The following NIPSNAP3B variants were observed in gnomAD, a reference collection of about 807,000 sequenced individuals.
The protein encoded by NIPSNAP3B is nipsnap homolog 3B.
NIPSNAP3B carries 30 observed loss-of-function variants against 31.5 expected under a neutral mutation model. The observed-to-expected ratio is 0.95, with a 90% CI of 0.71 to 1.29. The LOEUF (loss-of-function observed/expected upper bound fraction) is 1.29, where lower values mean the gene tolerates loss of function less well. Ranked by LOEUF, NIPSNAP3B falls within the 50% of genes most tolerant of loss-of-function variation. The pLI, the probability that NIPSNAP3B is intolerant of heterozygous loss-of-function variation, is 0.00. For missense variants in NIPSNAP3B, 269 were observed against 300.7 expected (o/e 0.89, Z 0.78); for synonymous variants, 106 against 107.9 (o/e 0.98, Z 0.11).
chr9:104,789,180 C>A, the NIPSNAP3B span, among the ~76,000 whole-genome samples: 1 of 152,200 alleles, frequency 6.6e-6, no homozygotes, highest in Non-Finnish European at 1.5e-5. Flanking sequence ...CTAATTAGCA[C>A]CCCCAGGGTC....
Position 104,774,549 on chromosome 9 carries a change from G to A in NIPSNAP3B, c.*1476G>A, listed in dbSNP as rs1246940561. ...GCTTCAGACTGTTATAGTACCTTAG[G>A]GTTATGAACATCAATTACCTTTGAG... On this transcript the variant is annotated 3_prime_UTR_variant, in exon 6 of 6. Transcript: ENST00000374762. Among the ~76,000 whole-genome samples, 3 of 152,114 alleles carry A rather than the reference G, an allele frequency of 2.0e-5. No homozygotes were observed. Among genetic ancestry groups the A allele is most frequent in the African/African-American group, 7.2e-5 (3 of 41,418 alleles).
the NIPSNAP3B span, among the ~76,000 whole-genome samples, chr9:104,784,655 C>A: frequency 6.6e-6 from 1 of 151,940 alleles, no homozygotes; most frequent in Non-Finnish European, 1.5e-5. Context: ...GACTTTTTTT[C>A]CCCCCTTGAA....
the NIPSNAP3B span, chr9:104,786,888 A>C: frequency 6.2e-7 from 1 of 1,613,962 alleles, no homozygotes; most frequent in Non-Finnish European, 8.5e-7. Flanking sequence ...AGATGTAAGC[A>C]CTACTGATCT....
the NIPSNAP3B span, among the ~76,000 whole-genome samples, chr9:104,790,488 T>C: frequency 2.0e-5 from 3 of 152,158 alleles, no homozygotes; most frequent in African/African-American, 4.8e-5. Context: ...ATACACTCAT[T>C]AACAATAAAA....
At chr9:104,787,998 A>C in the NIPSNAP3B span, 1 of 1,614,224 alleles carries the variant, frequency 6.2e-7, no homozygotes, top group Non-Finnish European at 8.5e-7. Flanking sequence ...TATAGTTACC[A>C]GCATATTTTT....
the NIPSNAP3B span, chr9:104,783,898 T>C: frequency 5.7e-5 from 10 of 175,936 alleles, no homozygotes; most frequent in African/African-American, 2.4e-4. Context: ...GCTTAGTGAA[T>C]GAGGATGTGC....
rs1307592878 is a variant in NIPSNAP3B at position 104,775,119 on chromosome 9, C to G, written c.*2046C>G. The stretch of plus-strand genomic sequence containing the variant: ...GATGTGGCTTAGGCAGTTTTCCTGT[C>G]TCCTGAAGCCACAGTATTCCCCTTC... On this transcript the variant is annotated 3_prime_UTR_variant, in exon 6 of 6. Coordinates refer to ENST00000374762, the MANE Select transcript of NIPSNAP3B (RefSeq NM_018376.4). 2.0e-5 allele frequency among the ~76,000 whole-genome samples: 3 copies of G among 151,790 alleles called. No individual in the cohort carries two copies. Among genetic ancestry groups the G allele is most frequent in the Non-Finnish European group, 4.4e-5 (3 of 67,994 alleles).
At chr9:104,768,122 T>C (rs1433105681) in intron 2 of NIPSNAP3B, among the ~76,000 whole-genome samples, 1 of 152,128 alleles carries the variant, frequency 6.6e-6, no homozygotes, top group Non-Finnish European at 1.5e-5. Flanking sequence ...AATCTGCAGT[T>C]GGTTGAATCC....
At chr9:104,784,193 A>G in the NIPSNAP3B span, 1 of 1,258,972 alleles carries the variant, frequency 7.9e-7, no homozygotes, top group African/African-American at 1.5e-5. Flanking sequence ...TAGTATCAGT[A>G]CAGTATCCAG....
At chr9:104,777,814 A>C (rs530304336), downstream of NIPSNAP3B, among the ~76,000 whole-genome samples, 3 of 152,014 alleles carry the variant, frequency 2.0e-5, no homozygotes, top group African/African-American at 7.3e-5. Flanking sequence ...ATAGATTTGC[A>C]TATATTTGCA....
At chr9:104,778,435 T>C (rs988698353), downstream of NIPSNAP3B, among the ~76,000 whole-genome samples, 13 of 152,104 alleles carry the variant, frequency 8.5e-5, no homozygotes, top group Admixed American at 7.9e-4. Flanking sequence ...TTCACCATGT[T>C]AGGCTGGTCG....
chr9:104,784,298 C>T, the NIPSNAP3B span: 55 of 1,613,838 alleles, frequency 3.4e-5, no homozygotes, highest in Admixed American at 1.2e-4. Flanking sequence ...TCAGCCACCC[C>T]GTATGAACAG....
At position 104,768,896 on chromosome 9, in the gene NIPSNAP3B, C is replaced by A. The variant is rs781242867; in HGVS notation, c.305C>A (p.Ala102Asp). ...NFAHRAEVRK[A>D]LANCKEWQEQ... ...GCTCATCGAGCTGAAGTTCGGAAAG[C>A]CTTAGCCAACTGTAAGGAATGGCAA... Residue 102 changes from alanine to aspartate, a missense_variant, in exon 3 of 6, where the codon GCC (alanine) becomes GAC (aspartate). Ala to Asp is a moderately radical substitution (Grantham distance 126). Coordinates refer to ENST00000374762, the MANE Select transcript of NIPSNAP3B (RefSeq NM_018376.4). 3 of 1,612,362 alleles carry A rather than the reference C, an allele frequency of 1.9e-6. No individual in the cohort carries two copies. The highest frequency in any genetic ancestry group is 2.7e-5 in the African/African-American group (2 of 74,824).
At chr9:104,789,471 T>C in the NIPSNAP3B span, among the ~76,000 whole-genome samples, 1 of 152,220 alleles carries the variant, frequency 6.6e-6, no homozygotes, top group African/African-American at 2.4e-5. Context: ...AGATCATGAA[T>C]ACATTAATTT....
intron 4 of NIPSNAP3B, 138 bp from the exon 5 acceptor site, chr9:104,772,684 A>G (rs1426821463): frequency 9.4e-7 from 1 of 1,067,614 alleles, no homozygotes; most frequent in Non-Finnish European, 1.4e-6. Flanking sequence ...TCCCTCTGAA[A>G]TCTTATAACT....
chr9:104,770,907 T>C lies in NIPSNAP3B; in HGVS notation c.489T>C (p.Asp163=), dbSNP rs779064557. The change falls in exon 4 of 6, where the codon GAT becomes GAC. Residue 163 remains aspartate, a synonymous_variant. Coordinates refer to ENST00000374762, the MANE Select transcript of NIPSNAP3B (RefSeq NM_018376.4). ...MKPGGPALWG[D]AFERAINAHV... ...CTGGTGGGCCAGCTCTGTGGGGTGA[T>C]GCATTTGAAAGAGCAATTAATGCCC... The C allele has an allele frequency of 6.2e-7, 1 of 1,613,936 alleles. No homozygotes were observed. The highest frequency in any genetic ancestry group is 8.5e-7 in the Non-Finnish European group (1 of 1,179,806).
the NIPSNAP3B span, chr9:104,786,183 C>T: frequency 1.1e-6 from 1 of 881,030 alleles, no homozygotes; most frequent in East Asian, 2.5e-5. Context: ...TTCCACTATA[C>T]TGTTTTGCTC....
the NIPSNAP3B span, chr9:104,787,994 T>A: frequency 6.2e-7 from 1 of 1,614,206 alleles, no homozygotes; most frequent in Admixed American, 1.7e-5. Flanking sequence ...CCACTATAGT[T>A]ACCAGCATAT....
In NIPSNAP3B at chr9:104,775,948, A is replaced by C. The variant is rs1203632274; in HGVS notation, c.*2875A>C. 6.6e-6 allele frequency among the ~76,000 whole-genome samples: 1 copy of C among 152,130 alleles called. No individual in the cohort carries two copies. The highest frequency in any genetic ancestry group is 1.5e-5 in the Non-Finnish European group (1 of 68,030). The stretch of plus-strand genomic sequence containing the variant: ...GCCCATCATCATCTGGATTTTTGGG[A>C]AGTGGTCTTAACTGGTGTGCTGCCC... On this transcript the variant is annotated 3_prime_UTR_variant, in exon 6 of 6. Coordinates refer to ENST00000374762, the MANE Select transcript of NIPSNAP3B (RefSeq NM_018376.4).
Sources: gnomAD v4.1 joint callset for allele counts (sites outside exome capture counted in the v4.1 genomes callset) on GRCh38, gnomAD v4.1.1 for gene constraint, MANE v1.5 for transcripts, NCBI Gene and HGNC (gene_info 2026-07-23, HGNC 2026-07-21) for gene names.